Variants in OR2T12 observed in about 807,000 individuals in gnomAD.
OR2T12 encodes olfactory receptor family 2 subfamily T member 12.
For synonymous variants in OR2T12, 127 were observed against 160.5 expected (o/e 0.79, Z 1.58); for missense variants, 335 against 404.3 (o/e 0.83, Z 1.47).
intron 1 of OR2T12, among the ~76,000 whole-genome samples, chr1:248,302,405 C>T (rs2103040348): frequency 6.6e-6 from 1 of 152,100 alleles, no homozygotes; most frequent in East Asian, 1.9e-4. Flanking sequence ...TATTATAAAG[C>T]ACAGCAACAC....
intron 1 of OR2T12, among the ~76,000 whole-genome samples, 182 bp downstream of exon 1, chr1:248,303,164 C>A (rs1205435469): frequency 6.6e-6 from 1 of 152,054 alleles, no homozygotes; most frequent in Non-Finnish European, 1.5e-5. Context: ...AGGCAGGTAA[C>A]CACTCCTTCT....
Position 248,294,523 on chromosome 1 carries a change from C to T in OR2T12, c.*93G>A. ...ATATCTTATTATATCAATACACAAA[C>T]TTAATTTTCTCTTCATGAATTACTA... On this transcript the variant is annotated 3_prime_UTR_variant, in exon 3 of 3. Transcript: ENST00000641276. The T allele has an allele frequency of 6.8e-7, 1 of 1,466,464 alleles. No homozygotes were observed. Among genetic ancestry groups the T allele is most frequent in the Non-Finnish European group, 9.2e-7 (1 of 1,088,750 alleles). The allele number at this position is 1,466,464 out of a possible 1,614,324, so 90.8% of individuals were successfully genotyped here.
Position 248,292,410 on chromosome 1 carries a change from T to A in OR2T12, c.*2206A>T, listed in dbSNP as rs1659645291. On this transcript the variant is annotated 3_prime_UTR_variant, in exon 3 of 3. Coordinates refer to ENST00000641276, the MANE Select transcript of OR2T12 (RefSeq NM_001004692.2). The stretch of plus-strand genomic sequence containing the variant: ...TTTAGAGATTCATAAGAACCATATC[T>A]TCTCATTTTCAAACACACAATGGGA... The A allele has an allele frequency of 6.6e-6, 1 of 152,122 alleles. No individual in the cohort carries two copies. Among genetic ancestry groups the A allele is most frequent in the Non-Finnish European group, 1.5e-5 (1 of 67,966 alleles). 9.4% of individuals were successfully genotyped at this position (152,122 alleles called of 1,614,324 possible).
intron 2 of OR2T12, among the ~76,000 whole-genome samples, chr1:248,296,100 C>T (rs1012720519): frequency 4.0e-5 from 6 of 151,310 alleles, no homozygotes; most frequent in South Asian, 2.1e-4. Context: ...TGAGAATACC[C>T]GGTGTTTGGT....
rs1369353546 is a variant in OR2T12, at chr1:248,293,672, C to G, written c.*944G>C. On this transcript the variant is annotated 3_prime_UTR_variant, in exon 3 of 3. Coordinates refer to ENST00000641276, the MANE Select transcript of OR2T12 (RefSeq NM_001004692.2). The stretch of plus-strand genomic sequence containing the variant: ...TATAAGGTTGTTGAGTCTTACTCAG[C>G]TTTGATAACTCATTGTTAGTAACTG... The G allele has an allele frequency of 3.9e-5, 6 of 152,028 alleles. No individual in the cohort carries two copies. Among genetic ancestry groups the G allele is most frequent in the Admixed American group, 6.6e-5 (1 of 15,258 alleles). 9.4% of individuals were successfully genotyped at this position (152,028 alleles called of 1,614,324 possible). A position where few individuals can be genotyped will look rare whatever the true frequency, so the allele number is the denominator to read the frequency against.
At chr1:248,300,313 G>A (rs1371906017) in intron 2 of OR2T12, among the ~76,000 whole-genome samples, 1 of 152,100 alleles carries the variant, frequency 6.6e-6, no homozygotes, top group East Asian at 1.9e-4. Context: ...ATGATAGTAG[G>A]CAAATCATTT....
At position 248,295,498 on chromosome 1, in the gene OR2T12, C is replaced by G; in HGVS notation, c.81G>C (p.Met27Ile). The change falls in exon 3 of 3, where the codon ATG becomes ATC. Residue 27 changes from methionine to isoleucine, a missense_variant. Coordinates refer to ENST00000641276, the MANE Select transcript of OR2T12 (RefSeq NM_001004692.2). The stretch of plus-strand genomic sequence containing the variant: ...AGGTCAAAACGGTGGCCAGAAGCAT[C>G]ATGAAGAGGACTTGGTGGGCTCTGG... ...NHTRAHQVLF[M>I]MLLATVLTSL... 6.2e-7 allele frequency: 1 copy of G among 1,613,270 alleles called. No homozygotes were observed. The highest frequency in any genetic ancestry group is 2.2e-5 in the East Asian group (1 of 44,866).
chr1:248,296,620 T>C (rs1659732491), intron 2 of OR2T12, among the ~76,000 whole-genome samples: 1 of 152,198 alleles, frequency 6.6e-6, no homozygotes. Flanking sequence ...GGTGAGCATT[T>C]TTTCATGTGT....
intron 2 of OR2T12, among the ~76,000 whole-genome samples, chr1:248,296,845 C>T (rs1379868846): frequency 1.3e-5 from 2 of 152,174 alleles, no homozygotes; most frequent in Non-Finnish European, 2.9e-5. Flanking sequence ...TGTGCAGAAG[C>T]TCTTTAGTTT....
At chr1:248,295,844 T>C (rs1268214178) in intron 2 of OR2T12, among the ~76,000 whole-genome samples, 1 of 152,134 alleles carries the variant, frequency 6.6e-6, no homozygotes, top group Non-Finnish European at 1.5e-5. Context: ...AAAAATTTTT[T>C]TTTTAGTTTT....
intron 2 of OR2T12, among the ~76,000 whole-genome samples, chr1:248,300,613 A>C (rs1311781635): frequency 6.6e-6 from 1 of 152,150 alleles, no homozygotes; most frequent in Non-Finnish European, 1.5e-5. Flanking sequence ...ACTTCAAGAA[A>C]ATAACTCATC....
Position 248,295,596 on chromosome 1 carries a change from T to C in OR2T12, c.-8-10A>G, listed in dbSNP as rs1659713287. On this transcript the variant is annotated splice_polypyrimidine_tract_variant and intron_variant, in intron 2 of 2. Transcript: ENST00000641276. ...ATCTCCATAATTTCCCCTGGTGTGA[T>C]GGTGCAAATGGAAAAATAGAGAAAG... The C allele has an allele frequency of 6.5e-7, 1 of 1,549,990 alleles. No homozygotes were observed. The highest frequency in any genetic ancestry group is 1.3e-5 in the South Asian group (1 of 78,590).
chr1:248,298,328 T>G (rs1327407560), intron 2 of OR2T12, among the ~76,000 whole-genome samples: 2 of 152,180 alleles, frequency 1.3e-5, no homozygotes, highest in Non-Finnish European at 2.9e-5. Flanking sequence ...TGGTTGTGTC[T>G]CTGCCCGGCT....
rs575419631 is a variant in OR2T12 at position 248,300,596 on chromosome 1, G to A, written c.-9+777C>T. Reference sequence around the variant, plus strand: ...TCAATAATTTCCAGTGCTTATGAGCGGAATTCACTTCAAGAAAATAACTCA... The same window carrying A: ...TCAATAATTTCCAGTGCTTATGAGCAGAATTCACTTCAAGAAAATAACTCA... On this transcript the variant is annotated intron_variant, in intron 2 of 2. Transcript: ENST00000641276. Among the ~76,000 whole-genome samples the A allele has an allele frequency of 5.9e-5, 9 of 152,120 alleles. No individual in the cohort carries two copies. The South Asian group carries it at 1.7e-3, about 28-fold the overall frequency.
Position 248,301,560 on chromosome 1 carries a change from A to G in OR2T12, c.-189-7T>C, listed in dbSNP as rs1486629419. Reference sequence around the variant, plus strand: ...AGTTATCCAGGACTCTTCACTGCCAAAAAAAGCAGAACATTTTGAGTTTCA... The same window carrying G: ...AGTTATCCAGGACTCTTCACTGCCAGAAAAAGCAGAACATTTTGAGTTTCA... On this transcript the variant is annotated splice_region_variant and splice_polypyrimidine_tract_variant and intron_variant, in intron 1 of 2. Coordinates refer to ENST00000641276, the MANE Select transcript of OR2T12 (RefSeq NM_001004692.2). 1.3e-5 allele frequency: 2 copies of G among 152,060 alleles called. No individual in the cohort carries two copies. The highest frequency in any genetic ancestry group is 3.8e-4 in the East Asian group (2 of 5,204). 9.4% of individuals were successfully genotyped at this position (152,060 alleles called of 1,614,324 possible).
chr1:248,295,648 G>A, intron 2 of OR2T12, 62 bp from the exon 3 acceptor site: 7 of 1,521,614 alleles, frequency 4.6e-6, no homozygotes, highest in Non-Finnish European at 6.2e-6. Flanking sequence ...CTGAATAACT[G>A]TTTGACTGCA....
intron 2 of OR2T12, among the ~76,000 whole-genome samples, chr1:248,300,129 C>T (rs919515614): frequency 7.9e-5 from 12 of 152,032 alleles, no homozygotes; most frequent in African/African-American, 1.7e-4. Context: ...AATAGAAAAA[C>T]GATGTCTAAT....
In OR2T12 at chr1:248,301,497, T is replaced by C. The variant is rs1046909367; in HGVS notation, c.-133A>G. The C allele has an allele frequency of 2.6e-5, 4 of 152,056 alleles. No individual in the cohort carries two copies. Among genetic ancestry groups the C allele is most frequent in the Admixed American group, 2.0e-4 (3 of 15,256 alleles). The allele number at this position is 152,056 out of a possible 1,614,324, so 9.4% of individuals were successfully genotyped here. A position where few individuals can be genotyped will look rare whatever the true frequency, so the allele number is the denominator to read the frequency against. On this transcript the variant is annotated 5_prime_UTR_variant, in exon 2 of 3. Transcript: ENST00000641276. ...CAAGAGGTATTTGTATATATTCCTA[T>C]AAAAATGGATCTGTGGTGAAATATC...
chr1:248,299,767 T>C (rs1007524671), intron 2 of OR2T12, among the ~76,000 whole-genome samples: 2 of 152,064 alleles, frequency 1.3e-5, no homozygotes, highest in Non-Finnish European at 2.9e-5. Context: ...TATTCCAAAA[T>C]TGACCACATA....
Sources: gnomAD v4.1 joint callset for allele counts (sites outside exome capture counted in the v4.1 genomes callset) on GRCh38, gnomAD v4.1.1 for gene constraint, MANE v1.5 for transcripts, NCBI Gene and HGNC (gene_info 2026-07-23, HGNC 2026-07-21) for gene names.